The following KAZN variants were observed in gnomAD, a reference collection of about 807,000 sequenced individuals.
KAZN encodes the protein kazrin, periplakin interacting protein.
KAZN carries 40 observed loss-of-function variants against 87.4 expected under a neutral mutation model. That is an observed-to-expected ratio of 0.46 (90% CI 0.36 to 0.60). KAZN has a LOEUF of 0.60. KAZN is among the 20% of genes least tolerant of loss of function. The pLI is 0.00. For synonymous variants in KAZN, 466 were observed against 458.3 expected (o/e 1.02, Z -0.22); for missense variants, 898 against 1,073.9 (o/e 0.84, Z 2.29).
intron 1 of KAZN, among the ~76,000 whole-genome samples, chr1:14,880,655 A>C (rs1653241380): frequency 6.6e-6 from 1 of 152,172 alleles, no homozygotes; most frequent in African/African-American, 2.4e-5. Context: ...ACTCGTCTAA[A>C]TAAGTGGGCT....
At chr1:14,448,816 C>A (rs1667117056) in intron 2 of KAZN, among the ~76,000 whole-genome samples, 1 of 152,218 alleles carries the variant, frequency 6.6e-6, no homozygotes, top group African/African-American at 2.4e-5. Flanking sequence ...CACAGGCAAG[C>A]ACACTTCTTT....
intron 1 of KAZN, among the ~76,000 whole-genome samples, chr1:14,040,041 G>A (rs1295230381): frequency 6.6e-6 from 1 of 151,568 alleles, no homozygotes; most frequent in Non-Finnish European, 1.5e-5. Flanking sequence ...AAGGATGTGT[G>A]TGTGCACGTG....
chr1:14,805,299 G>A (rs776302431), intron 1 of KAZN, among the ~76,000 whole-genome samples: 6 of 152,266 alleles, frequency 3.9e-5, no homozygotes, highest in East Asian at 1.9e-4. Context: ...CTTCAGGGCC[G>A]AAGCTGACTC....
chr1:14,817,920 A>G (rs1396412394), intron 1 of KAZN, among the ~76,000 whole-genome samples: 2 of 152,258 alleles, frequency 1.3e-5, no homozygotes, highest in Non-Finnish European at 2.9e-5. Context: ...TCAAATACCA[A>G]AGATGAGTGA....
At chr1:14,438,793 C>A (rs923019651) in intron 2 of KAZN, among the ~76,000 whole-genome samples, 2 of 152,220 alleles carry the variant, frequency 1.3e-5, no homozygotes, top group Admixed American at 1.3e-4. Context: ...GAGGGGCTCA[C>A]GATGAGCTTC....
chr1:14,344,598 A>G (rs551980252), intron 2 of KAZN, among the ~76,000 whole-genome samples: 8 of 152,306 alleles, frequency 5.3e-5, no homozygotes, highest in African/African-American at 1.9e-4. Context: ...GGATTAAAAT[A>G]TATAGCATGT....
chr1:14,079,537 G>A (rs1643593358), intron 1 of KAZN, among the ~76,000 whole-genome samples: 1 of 152,154 alleles, frequency 6.6e-6, no homozygotes, highest in Non-Finnish European at 1.5e-5. Flanking sequence ...TCTAGGATTT[G>A]ACATTTTCAG....
At position 14,292,248 on chromosome 1, in the gene KAZN, G is replaced by A. The variant is rs190606210; in HGVS notation, c.249+111656G>A. ...GTAAGCAATATGTGTGCTTCACCCT[G>A]CAGTTCACACATCTTTTGTCTTCTG... On this transcript the variant is annotated intron_variant, in intron 2 of 16. Coordinates refer to the KAZN transcript ENST00000636203. 2.2e-3 allele frequency among the ~76,000 whole-genome samples: 337 copies of A among 152,338 alleles called. 1 individual carries two copies. The highest frequency in any genetic ancestry group is 7.6e-3 in the African/African-American group (318 of 41,576).
intron 1 of KAZN, among the ~76,000 whole-genome samples, chr1:14,753,569 T>C (rs567337268): frequency 4.2e-4 from 64 of 151,952 alleles, no homozygotes; most frequent in African/African-American, 1.5e-3. Context: ...TCTAATTATT[T>C]TTTTTACTTA....
intron 1 of KAZN, among the ~76,000 whole-genome samples, chr1:14,839,103 C>T (rs992597319): frequency 6.6e-6 from 1 of 152,126 alleles, no homozygotes; most frequent in Non-Finnish European, 1.5e-5. Context: ...CTAAACCTGC[C>T]CTGCCTGTCC....
intron 2 of KAZN, among the ~76,000 whole-genome samples, chr1:14,544,350 C>CTTTCTTTTTTTTTTTTTTTTT (rs1553186409): frequency 1.0e-5 from 1 of 98,120 alleles, no homozygotes; most frequent in Non-Finnish European, 1.9e-5. Flanking sequence ...TTCTTTCTTT[C>CTTTCTTTTTTTTTTTTTTTTT]TTTTTTTTTT....
chr1:14,865,244 G>A (rs1311208512), intron 1 of KAZN, among the ~76,000 whole-genome samples: 5 of 152,216 alleles, frequency 3.3e-5, no homozygotes, highest in African/African-American at 9.7e-5. Flanking sequence ...CCAGAGAAAT[G>A]TAGCTGCGGC....
chr1:15,037,369 A>T (rs1672442813), intron 3 of KAZN, among the ~76,000 whole-genome samples: 1 of 152,196 alleles, frequency 6.6e-6, no homozygotes, highest in African/African-American at 2.4e-5. Flanking sequence ...TCCTGGGACC[A>T]GGGTCACGCA....
intron 1 of KAZN, among the ~76,000 whole-genome samples, chr1:14,667,339 G>A (rs183230923): frequency 1.3e-5 from 2 of 152,292 alleles, no homozygotes; most frequent in African/African-American, 4.8e-5. Flanking sequence ...AAGGGTTCAC[G>A]TCACCTTGAT....
intron 1 of KAZN, among the ~76,000 whole-genome samples, chr1:14,781,698 G>A (rs779221032): frequency 4.6e-5 from 7 of 152,130 alleles, no homozygotes; most frequent in Non-Finnish European, 8.8e-5. Flanking sequence ...GAGGCCGGGG[G>A]CAGTGGCTCA....
chr1:14,657,068 A>G (rs112679900), intron 1 of KAZN, among the ~76,000 whole-genome samples: 7,125 of 144,776 alleles, frequency 0.049, 245 homozygotes, highest in South Asian at 0.083. Flanking sequence ...GGTGGGGTGA[A>G]GAGAGAGGCT....
At chr1:14,425,686 G>T (rs1371687218) in intron 2 of KAZN, among the ~76,000 whole-genome samples, 1 of 152,186 alleles carries the variant, frequency 6.6e-6, no homozygotes, top group African/African-American at 2.4e-5. Context: ...GTCAGCTGGG[G>T]TCTCAGTTTT....
At chr1:15,019,851 G>T (rs967778633) in intron 2 of KAZN, among the ~76,000 whole-genome samples, 4 of 152,130 alleles carry the variant, frequency 2.6e-5, no homozygotes, top group Non-Finnish European at 4.4e-5. Flanking sequence ...TGTTATCATC[G>T]GTTATCATTG....
At chr1:14,811,925 G>A (rs804138) in intron 1 of KAZN, among the ~76,000 whole-genome samples, 1 of 152,160 alleles carries the variant, frequency 6.6e-6, no homozygotes, top group Non-Finnish European at 1.5e-5. Context: ...CCTGAGAAGG[G>A]CAAGGTCTTC....
Sources: allele counts gnomAD v4.1 joint callset (sites outside exome capture counted in the v4.1 genomes callset), GRCh38; gene constraint gnomAD v4.1.1; transcripts MANE v1.5; gene names NCBI Gene and HGNC (gene_info 2026-07-23, HGNC 2026-07-21).